The following CCDC73 variants were observed in gnomAD, a reference collection of about 807,000 sequenced individuals.
CCDC73 encodes the protein coiled-coil domain containing 73, also known as coiled-coil domain-containing protein 73.
Under a neutral mutation model 116.5 loss-of-function variants are expected in CCDC73, and 95 were observed. The ratio of observed to expected loss-of-function variants is 0.82; its 90% CI spans 0.69 to 0.97. CCDC73 has a LOEUF of 0.97. Among genes scored for constraint, CCDC73 ranks in the 50% least tolerant of loss-of-function variants. CCDC73 has a pLI of 0.00. For synonymous variants in CCDC73, 398 were observed against 401.3 expected (o/e 0.99, Z 0.10); for missense variants, 1,066 against 1,206.8 (o/e 0.88, Z 1.73).
intron 9 of CCDC73, among the ~76,000 whole-genome samples, chr11:32,663,474 C>T (rs547908827): frequency 6.6e-6 from 1 of 152,148 alleles, no homozygotes; most frequent in Non-Finnish European, 1.5e-5. Context: ...CATGATTTGG[C>T]TCTCTGTTTG....
At chr11:32,776,986 CAT>C (rs748521502) in intron 1 of CCDC73, among the ~76,000 whole-genome samples, 14,586 of 95,738 alleles carry the variant, frequency 0.15, 1,141 homozygotes, top group Middle Eastern at 0.23. Flanking sequence ...TATATATACA[CAT>C]GTATATATAT....
At chr11:32,797,009 CAAAAAAA>C (rs1163144111), upstream of CCDC73, among the ~76,000 whole-genome samples, 43 of 74,604 alleles carry the variant, frequency 5.8e-4, no homozygotes, top group Middle Eastern at 0.011. Flanking sequence ...GAGACTGCCT[CAAAAAAA>C]AAAAAAAAAA....
chr11:32,746,308 T>C (rs1850238839), intron 2 of CCDC73, among the ~76,000 whole-genome samples: 1 of 152,262 alleles, frequency 6.6e-6, no homozygotes, highest in Non-Finnish European at 1.5e-5. Context: ...GTTAGTCTGA[T>C]GGGCTTCCCT....
At chr11:32,758,996 C>A (rs1850367423) in intron 2 of CCDC73, among the ~76,000 whole-genome samples, 1 of 151,764 alleles carries the variant, frequency 6.6e-6, no homozygotes, top group African/African-American at 2.4e-5. Flanking sequence ...ATTTTAAAAT[C>A]CTAGAACAAT....
At chr11:32,779,263 CAAA>C (rs34184527) in intron 1 of CCDC73, among the ~76,000 whole-genome samples, 23 of 110,030 alleles carry the variant, frequency 2.1e-4, no homozygotes, top group Admixed American at 1.9e-4. Flanking sequence ...TCATGTGGGG[CAAA>C]AAAAAAAAAA....
chr11:32,616,887 G>C (rs1010465542), intron 14 of CCDC73, among the ~76,000 whole-genome samples: 1 of 152,150 alleles, frequency 6.6e-6, no homozygotes, highest in African/African-American at 2.4e-5. Flanking sequence ...AGGTTACTAT[G>C]GGCACATGCA....
intron 7 of CCDC73, chr11:32,681,063 G>A (rs1253412651): frequency 6.6e-6 from 1 of 151,966 alleles, no homozygotes; most frequent in African/African-American, 2.4e-5. Flanking sequence ...GGGAAAGAAA[G>A]TATGTGGTTA....
intron 6 of CCDC73, among the ~76,000 whole-genome samples, chr11:32,696,735 T>G (rs1590599679): frequency 6.6e-6 from 1 of 152,054 alleles, no homozygotes; most frequent in East Asian, 1.9e-4. Context: ...CCTCTTCTCT[T>G]CTTACACTCC....
At chr11:32,816,973 T>C in the CCDC73 span, among the ~76,000 whole-genome samples, 91 of 152,186 alleles carry the variant, frequency 6.0e-4, no homozygotes, top group Admixed American at 8.5e-4. Flanking sequence ...TTAGTAGAGA[T>C]AGGGTTTCAC....
chr11:32,689,089 G>T (rs1384084807), intron 6 of CCDC73, among the ~76,000 whole-genome samples: 2 of 152,038 alleles, frequency 1.3e-5, no homozygotes, highest in Non-Finnish European at 2.9e-5. Context: ...AAGACTAGAA[G>T]AACTTAACCT....
chr11:32,789,220 C>T (rs1026830679), intron 1 of CCDC73, among the ~76,000 whole-genome samples: 4 of 152,068 alleles, frequency 2.6e-5, no homozygotes, highest in South Asian at 2.1e-4. Flanking sequence ...AATAATACTC[C>T]TCTCATTCTT....
the CCDC73 span, among the ~76,000 whole-genome samples, chr11:32,811,486 T>C: frequency 6.6e-6 from 1 of 152,164 alleles, no homozygotes; most frequent in South Asian, 2.1e-4. Context: ...ATTAGGTGTG[T>C]GTTAGTCTGT....
At chr11:32,664,857 G>A (rs1224522807) in intron 9 of CCDC73, among the ~76,000 whole-genome samples, 7 of 152,078 alleles carry the variant, frequency 4.6e-5, no homozygotes, top group African/African-American at 1.4e-4. Flanking sequence ...GGTATGTTGT[G>A]TCTTTGTTCT....
intron 2 of CCDC73, chr11:32,758,562 A>G (rs532618979): frequency 2.5e-5 from 11 of 444,850 alleles, no homozygotes; most frequent in South Asian, 1.4e-4. Context: ...ATCAAGGAGC[A>G]GAAAATCCTT....
At chr11:32,703,080 T>A in intron 3 of CCDC73, 136 bp from the exon 4 acceptor site, 1 of 679,992 alleles carries the variant, frequency 1.5e-6, no homozygotes, top group Middle Eastern at 3.5e-4. Context: ...AATGCAACTT[T>A]AAACCAATTT....
intron 6 of CCDC73, among the ~76,000 whole-genome samples, chr11:32,685,757 C>T (rs192519548): frequency 0.011 from 1,396 of 124,266 alleles, 25 homozygotes; most frequent in African/African-American, 0.041. Flanking sequence ...GAGTCTTGCT[C>T]TGTCACCAGG....
At chr11:32,660,229 CAAAAAAAAA>C (rs11310092) in intron 9 of CCDC73, among the ~76,000 whole-genome samples, 7 of 66,508 alleles carry the variant, frequency 1.1e-4, no homozygotes, top group East Asian at 7.0e-4. Context: ...TTCTCTCTAC[CAAAAAAAAA>C]AAAAAAAAAA....
intron 2 of CCDC73, among the ~76,000 whole-genome samples, chr11:32,727,575 T>C (rs1205499807): frequency 6.6e-6 from 1 of 150,576 alleles, no homozygotes; most frequent in African/African-American, 2.4e-5. Flanking sequence ...TGAAGCAATT[T>C]TTTTTTCTTT....
At chr11:32,816,656 G>A in the CCDC73 span, among the ~76,000 whole-genome samples, 3 of 152,158 alleles carry the variant, frequency 2.0e-5, no homozygotes, top group Admixed American at 6.5e-5. Flanking sequence ...GGGAAGACAC[G>A]TTTAAGGGAC....
Sources: allele counts gnomAD v4.1 joint callset (sites outside exome capture counted in the v4.1 genomes callset), GRCh38; gene constraint gnomAD v4.1.1; transcripts MANE v1.5; gene names NCBI Gene and HGNC (gene_info 2026-07-23, HGNC 2026-07-21).